Variants in ADGRB3 observed in about 807,000 individuals in gnomAD.
The protein encoded by ADGRB3 is adhesion G protein-coupled receptor B3.
Under a neutral mutation model 193.4 loss-of-function variants are expected in ADGRB3, and 37 were observed. The observed-to-expected ratio is 0.19, with a 90% CI of 0.15 to 0.25. The LOEUF (loss-of-function observed/expected upper bound fraction) is 0.25, where lower values mean the gene tolerates loss of function less well. ADGRB3 is among the 10% of genes least tolerant of loss of function. ADGRB3 has a pLI of 1.00. For missense variants in ADGRB3, 1,637 were observed against 1,852.9 expected, an observed-to-expected ratio of 0.88 and a Z score of 2.14; for synonymous variants, 690 against 644.2, an observed-to-expected ratio of 1.07 and a Z score of -1.08.
chr6:68,866,758 C>A (rs1765307524), intron 3 of ADGRB3, among the ~76,000 whole-genome samples: 1 of 152,220 alleles, frequency 6.6e-6, no homozygotes. Context: ...GCAAAGGTCA[C>A]TCTTGCTTTG....
chr6:69,184,858 G>A (rs1031803901), intron 17 of ADGRB3, among the ~76,000 whole-genome samples: 1 of 152,036 alleles, frequency 6.6e-6, no homozygotes, highest in African/African-American at 2.4e-5. Context: ...CTTACTTGCC[G>A]ATTACTTGAG....
chr6:69,308,237 A>G (rs1437807762), intron 20 of ADGRB3, among the ~76,000 whole-genome samples: 1 of 151,444 alleles, frequency 6.6e-6, no homozygotes, highest in Non-Finnish European at 1.5e-5. Context: ...CTCACTGGAC[A>G]TGTTTTATTC....
chr6:68,638,240 G>T (rs891297986), intron 2 of ADGRB3, among the ~76,000 whole-genome samples: 4 of 152,196 alleles, frequency 2.6e-5, no homozygotes, highest in Non-Finnish European at 5.9e-5. Context: ...AGTGTTTACC[G>T]CAGAGGACAG....
intron 3 of ADGRB3, among the ~76,000 whole-genome samples, chr6:68,783,217 A>T (rs186087128): frequency 2.3e-3 from 340 of 150,552 alleles, no homozygotes; most frequent in Non-Finnish European, 3.8e-3. Flanking sequence ...GACAAGGTTG[A>T]ACAGCCAAGA....
At chr6:68,797,942 C>T (rs1322652319) in intron 3 of ADGRB3, among the ~76,000 whole-genome samples, 1 of 152,082 alleles carries the variant, frequency 6.6e-6, no homozygotes, top group Non-Finnish European at 1.5e-5. Flanking sequence ...AACTAGTTAC[C>T]AATGAATATA....
chr6:69,014,607 G>A (rs1770035952), intron 12 of ADGRB3, among the ~76,000 whole-genome samples: 1 of 151,934 alleles, frequency 6.6e-6, no homozygotes, highest in South Asian at 2.1e-4. Context: ...TATCAGTGTA[G>A]CAAGTAACCT....
chr6:68,667,439 C>T (rs1364890447), intron 3 of ADGRB3, among the ~76,000 whole-genome samples: 1 of 151,760 alleles, frequency 6.6e-6, no homozygotes, highest in Non-Finnish European at 1.5e-5. Flanking sequence ...TCTCTTTAAC[C>T]TAATATTATA....
At chr6:69,109,764 A>T (rs989520924) in intron 17 of ADGRB3, among the ~76,000 whole-genome samples, 3 of 152,144 alleles carry the variant, frequency 2.0e-5, no homozygotes, top group African/African-American at 7.2e-5. Context: ...GAAAGGGGAT[A>T]ATATTAAATA....
intron 3 of ADGRB3, among the ~76,000 whole-genome samples, chr6:68,813,628 C>CGTGTGCCATGTTG (rs1391909893): frequency 2.6e-5 from 4 of 151,326 alleles, no homozygotes; most frequent in Admixed American, 2.0e-4. Flanking sequence ...CATATGTATA[C>CGTGTGCCATGTTG]GTGTGCCATG....
chr6:69,332,383 T>A, intron 23 of ADGRB3: 1 of 985,464 alleles, frequency 1.0e-6, no homozygotes, highest in Non-Finnish European at 1.2e-6. Flanking sequence ...CTTTCCTTTC[T>A]GCTTAGAAAA....
chr6:69,305,142 A>G (rs1360451968), intron 20 of ADGRB3, among the ~76,000 whole-genome samples: 3 of 151,620 alleles, frequency 2.0e-5, no homozygotes. Context: ...TACAGGTAAC[A>G]CTGTTAGCAC....
intron 19 of ADGRB3, among the ~76,000 whole-genome samples, chr6:69,238,155 C>G (rs1007981468): frequency 3.3e-5 from 5 of 151,982 alleles, no homozygotes; most frequent in Non-Finnish European, 7.4e-5. Context: ...CAGAGTGCCT[C>G]CAGATCATTG....
At chr6:68,775,703 C>G (rs1161710136) in intron 3 of ADGRB3, among the ~76,000 whole-genome samples, 5 of 152,056 alleles carry the variant, frequency 3.3e-5, no homozygotes, top group Non-Finnish European at 7.4e-5. Flanking sequence ...TTTACGTCTC[C>G]TTTTATCTGA....
chr6:68,760,269 A>G (rs115158718), intron 3 of ADGRB3, among the ~76,000 whole-genome samples: 4,373 of 152,312 alleles, frequency 0.029, 211 homozygotes, highest in African/African-American at 0.098. Context: ...ACATACACAC[A>G]TACACACAAC....
intron 17 of ADGRB3, among the ~76,000 whole-genome samples, chr6:69,177,099 A>T (rs973204941): frequency 1.3e-5 from 2 of 151,938 alleles, no homozygotes; most frequent in South Asian, 2.1e-4. Flanking sequence ...GATTTGTTGT[A>T]TAGATTTTTG....
intron 3 of ADGRB3, among the ~76,000 whole-genome samples, chr6:68,725,119 G>A (rs976825351): frequency 6.6e-6 from 1 of 151,668 alleles, no homozygotes; most frequent in African/African-American, 2.4e-5. Flanking sequence ...GACATTCAAA[G>A]TCATTTTGTA....
intron 20 of ADGRB3, among the ~76,000 whole-genome samples, chr6:69,313,043 G>A (rs1022870306): frequency 6.6e-6 from 1 of 151,846 alleles, no homozygotes; most frequent in African/African-American, 2.4e-5. Flanking sequence ...GATTGAGGGT[G>A]TGAAAAGTTT....
chr6:69,242,296 C>A (rs1766401427), intron 20 of ADGRB3, among the ~76,000 whole-genome samples: 1 of 151,736 alleles, frequency 6.6e-6, no homozygotes, highest in South Asian at 2.1e-4. Flanking sequence ...TGTATAGGAT[C>A]CCTTTGCTTC....
At chr6:69,258,276 C>A (rs1259301486) in intron 20 of ADGRB3, among the ~76,000 whole-genome samples, 4 of 152,022 alleles carry the variant, frequency 2.6e-5, no homozygotes, top group Non-Finnish European at 5.9e-5. Flanking sequence ...GATTTTTATG[C>A]CTGTAAAATC....
Sources: gnomAD v4.1 joint callset for allele counts (sites outside exome capture counted in the v4.1 genomes callset) on GRCh38, gnomAD v4.1.1 for gene constraint, MANE v1.5 for transcripts, NCBI Gene and HGNC (gene_info 2026-07-23, HGNC 2026-07-21) for gene names.